The following RANBP17 variants were observed in gnomAD, a reference collection of about 807,000 sequenced individuals.
The protein encoded by RANBP17 is RAN binding protein 17.
RANBP17 carries 158 observed loss-of-function variants against 141.2 expected under a neutral mutation model. That is an observed-to-expected ratio of 1.12 (90% CI 0.98 to 1.28). The LOEUF is 1.28. RANBP17 is among the 50% of genes most tolerant of loss of function. The pLI, the probability that RANBP17 is intolerant of heterozygous loss-of-function variation, is 0.00. For missense variants in RANBP17, 1,438 were observed against 1,290.7 expected (o/e 1.11, Z -1.75); for synonymous variants, 430 against 450.0 (o/e 0.96, Z 0.56).
intron 24 of RANBP17, among the ~76,000 whole-genome samples, chr5:171,243,353 A>G (rs1222012598): frequency 6.6e-6 from 1 of 152,214 alleles, no homozygotes; most frequent in Non-Finnish European, 1.5e-5. Context: ...TTGAAAATCA[A>G]TTAGTTTATT....
intron 18 of RANBP17, among the ~76,000 whole-genome samples, chr5:171,184,960 C>T (rs969280921): frequency 1.3e-5 from 2 of 151,998 alleles, no homozygotes; most frequent in Non-Finnish European, 2.9e-5. Flanking sequence ...GTCAGGAGTT[C>T]GAGACCAGCC....
rs533886046 is a variant in RANBP17, at chr5:170,887,903, A to G, written c.257-4484A>G. Reference sequence around the variant, plus strand: ...TAAAGGACCTACTCCTGAAATAATGACATTAAACCATTCATATGGGCAAAG... The same window carrying G: ...TAAAGGACCTACTCCTGAAATAATGGCATTAAACCATTCATATGGGCAAAG... On this transcript the variant is annotated intron_variant, in intron 3 of 27. Coordinates refer to ENST00000523189, the MANE Select transcript of RANBP17 (RefSeq NM_022897.5). Among the ~76,000 whole-genome samples the G allele has an allele frequency of 2.0e-5, 3 of 152,272 alleles. No individual in the cohort carries two copies. The East Asian group carries it at 5.8e-4, about 29-fold the overall frequency.
intron 22 of RANBP17, among the ~76,000 whole-genome samples, chr5:171,236,258 G>C (rs879940087): frequency 1.3e-5 from 2 of 152,146 alleles, no homozygotes; most frequent in African/African-American, 4.8e-5. Context: ...AAATTTTAGA[G>C]ATTAAAAGAG....
At chr5:170,899,261 T>C (rs750124223) in intron 5 of RANBP17, among the ~76,000 whole-genome samples, 1 of 152,186 alleles carries the variant, frequency 6.6e-6, no homozygotes, top group African/African-American at 2.4e-5. Context: ...GATTCCTAGG[T>C]ATTTTATTCT....
rs1045486034 is a variant in RANBP17, at chr5:171,295,773, C to A, written c.3043-114C>A. On this transcript the variant is annotated intron_variant, in intron 26 of 27. Transcript: ENST00000523189. ...TTCAAAGTGGACCTAGACAAAAACT[C>A]CTCTGAGCATTAGTGAGCCCTGAGT... 4 of 1,161,194 alleles carry A rather than the reference C, an allele frequency of 3.4e-6. No individual in the cohort carries two copies. In the African/African-American group the frequency reaches 4.6e-5, roughly 13 times the overall value. The allele number at this position is 1,161,194 out of a possible 1,614,324, so 71.9% of individuals were successfully genotyped here.
chr5:171,170,110 A>T lies in RANBP17; in HGVS notation c.1711-20A>T, dbSNP rs191278296. 7.3e-7 allele frequency: 1 copy of T among 1,370,214 alleles called. No individual in the cohort carries two copies. The highest frequency in any genetic ancestry group is 1.0e-6 in the Non-Finnish European group (1 of 998,920). 84.9% of individuals were successfully genotyped at this position (1,370,214 alleles called of 1,614,324 possible). On this transcript the variant is annotated intron_variant, in intron 14 of 27. Transcript: ENST00000523189. ...ATATGTTAATAGTAAAACTTTTAAC[A>T]ATGAAATGTTTTAATGCAGGTATAT...
chr5:171,064,712 G>A (rs1017379820), intron 14 of RANBP17, among the ~76,000 whole-genome samples: 2 of 151,860 alleles, frequency 1.3e-5, no homozygotes, highest in African/African-American at 4.8e-5. Context: ...ATAGACATGG[G>A]GTTTCTCCAT....
At chr5:171,127,888 C>T (rs1258049811) in intron 14 of RANBP17, among the ~76,000 whole-genome samples, 2 of 152,152 alleles carry the variant, frequency 1.3e-5, no homozygotes, top group East Asian at 3.9e-4. Flanking sequence ...AGGCCGGGCA[C>T]GGTGGCTCAC....
chr5:171,289,576 A>C (rs1768363018), intron 25 of RANBP17, among the ~76,000 whole-genome samples: 1 of 152,106 alleles, frequency 6.6e-6, no homozygotes, highest in African/African-American at 2.4e-5. Context: ...GGTCTCTACA[A>C]AAAAATCAAA....
intron 14 of RANBP17, among the ~76,000 whole-genome samples, chr5:171,006,313 A>G (rs940578762): frequency 6.6e-6 from 1 of 152,224 alleles, no homozygotes; most frequent in African/African-American, 2.4e-5. Flanking sequence ...TCATTGTGGC[A>G]CTATTCACAA....
chr5:170,982,718 A>G (rs1054268246), intron 14 of RANBP17, among the ~76,000 whole-genome samples: 5 of 152,218 alleles, frequency 3.3e-5, no homozygotes, highest in African/African-American at 9.6e-5. Context: ...AACAGGTTCC[A>G]TACTGAAAAG....
At chr5:170,930,156 A>AT (rs1036460152) in intron 12 of RANBP17, among the ~76,000 whole-genome samples, 42 of 149,714 alleles carry the variant, frequency 2.8e-4, no homozygotes, top group South Asian at 6.3e-4. Context: ...TATTTCACTG[A>AT]TTTTTTTTCG....
At chr5:170,905,281 TATA>T (rs1248524378) in intron 5 of RANBP17, among the ~76,000 whole-genome samples, 1 of 152,084 alleles carries the variant, frequency 6.6e-6, no homozygotes, top group African/African-American at 2.4e-5. Context: ...GGAGTAATTT[TATA>T]ATAAAGAGGA....
chr5:171,213,969 A>G (rs1434923962), intron 21 of RANBP17, among the ~76,000 whole-genome samples: 1 of 152,214 alleles, frequency 6.6e-6, no homozygotes, highest in East Asian at 1.9e-4. Flanking sequence ...TGGAAAATAA[A>G]TTGGAAGACT....
At chr5:171,203,000 C>G (rs1328936729) in intron 19 of RANBP17, among the ~76,000 whole-genome samples, 2 of 152,122 alleles carry the variant, frequency 1.3e-5, no homozygotes, top group African/African-American at 4.8e-5. Flanking sequence ...TCGTCTCACA[C>G]TTGGCACACA....
intron 19 of RANBP17, among the ~76,000 whole-genome samples, chr5:171,200,290 A>T (rs1762227848): frequency 1.3e-5 from 2 of 152,228 alleles, no homozygotes; most frequent in Admixed American, 6.5e-5. Context: ...AGGATAACTG[A>T]TAGCTAAATA....
At chr5:170,937,082 A>G (rs964762249) in intron 12 of RANBP17, among the ~76,000 whole-genome samples, 1 of 152,200 alleles carries the variant, frequency 6.6e-6, no homozygotes, top group Admixed American at 6.5e-5. Context: ...TAAAAAATCC[A>G]TTCTGACCAT....
intron 14 of RANBP17, among the ~76,000 whole-genome samples, chr5:171,127,274 G>A (rs1756544716): frequency 6.6e-6 from 1 of 152,116 alleles, no homozygotes; most frequent in Admixed American, 6.5e-5. Context: ...AATTCAACAT[G>A]CCTTCATGAT....
intron 20 of RANBP17, chr5:171,207,822 TATA>T (rs1186232591): frequency 2.0e-5 from 3 of 152,222 alleles, no homozygotes; most frequent in Non-Finnish European, 2.9e-5. Context: ...AGCAAATATT[TATA>T]ATAATAGTAA....
Sources: allele counts gnomAD v4.1 joint callset (sites outside exome capture counted in the v4.1 genomes callset), GRCh38; gene constraint gnomAD v4.1.1; transcripts MANE v1.5; gene names NCBI Gene and HGNC (gene_info 2026-07-23, HGNC 2026-07-21).